ZC3H3: variants seen among roughly 807,000 people sequenced by gnomAD.
ZC3H3 encodes zinc finger CCCH-type containing 3.
In ZC3H3, 36 loss-of-function variants were observed where a neutral mutation model predicts 77.3. The observed-to-expected ratio is 0.47, with a 90% CI of 0.36 to 0.61. ZC3H3 has a LOEUF of 0.61. Among genes scored for constraint, ZC3H3 ranks in the 20% least tolerant of loss-of-function variants. The probability of loss-of-function intolerance (pLI) is 0.00; values close to 1 mark genes in which losing one functional copy is unlikely to be tolerated. For synonymous variants in ZC3H3, 626 were observed against 555.2 expected, an observed-to-expected ratio of 1.13 and a Z score of -1.79; for missense variants, 1,331 against 1,312.2, an observed-to-expected ratio of 1.01 and a Z score of -0.22.
chr8:143,505,088 G>A (rs1234563524), intron 4 of ZC3H3, among the ~76,000 whole-genome samples: 6 of 152,162 alleles, frequency 3.9e-5, no homozygotes, highest in South Asian at 2.1e-4. Context: ...CCCCTCCCGC[G>A]TGTCCACCAG....
chr8:143,513,159 G>T (rs1007382271), intron 3 of ZC3H3, among the ~76,000 whole-genome samples: 1 of 152,098 alleles, frequency 6.6e-6, no homozygotes, highest in Non-Finnish European at 1.5e-5. Flanking sequence ...TCACACCCAC[G>T]GCCTCAGCTG....
intron 4 of ZC3H3, among the ~76,000 whole-genome samples, chr8:143,499,976 C>T (rs1268434004): frequency 6.6e-6 from 1 of 152,160 alleles, no homozygotes; most frequent in Non-Finnish European, 1.5e-5. Flanking sequence ...AACCCCTGGC[C>T]CCCCACCAGA....
intron 2 of ZC3H3, among the ~76,000 whole-genome samples, 195 bp downstream of exon 2, chr8:143,537,808 C>CCTAA (rs1331544430): frequency 6.6e-6 from 1 of 152,106 alleles, no homozygotes; most frequent in Non-Finnish European, 1.5e-5. Flanking sequence ...AAACCTGTCC[C>CCTAA]CTAAGTTTAT....
At chr8:143,489,724 G>A (rs1275803200) in intron 4 of ZC3H3, among the ~76,000 whole-genome samples, 1 of 152,208 alleles carries the variant, frequency 6.6e-6, no homozygotes, top group Non-Finnish European at 1.5e-5. Flanking sequence ...TCTGGCGTCA[G>A]GCGGTGATTT....
chr8:143,513,937 C>CAG (rs1821951891), intron 3 of ZC3H3, among the ~76,000 whole-genome samples: 1 of 152,200 alleles, frequency 6.6e-6, no homozygotes, highest in African/African-American at 2.4e-5. Context: ...GGCCCCCGAC[C>CAG]AGTGTAGCTC....
rs779910501 is a variant in ZC3H3, at chr8:143,492,400, C to T, written c.1715+15346G>A. ...CAGGGCCCTGGCCCGCCTTATATCC[C>T]CCACCATCTGGACCCTCAGTCCAGG... On this transcript the variant is annotated intron_variant, in intron 4 of 11. Coordinates refer to ENST00000262577, the MANE Select transcript of ZC3H3 (RefSeq NM_015117.3). Among the ~76,000 whole-genome samples the T allele has an allele frequency of 1.7e-3, 254 of 152,288 alleles. 1 individual carries two copies. The highest frequency in any genetic ancestry group is 6.8e-3 in the Middle Eastern group (2 of 294).
chr8:143,527,481 C>A (rs1487488287), intron 3 of ZC3H3, among the ~76,000 whole-genome samples: 3 of 152,186 alleles, frequency 2.0e-5, no homozygotes, highest in African/African-American at 7.2e-5. Flanking sequence ...CCACGGCACA[C>A]ACGCGATCCC....
intron 1 of ZC3H3, among the ~76,000 whole-genome samples, chr8:143,540,213 A>T (rs1822964124): frequency 8.0e-6 from 1 of 125,568 alleles, no homozygotes; most frequent in African/African-American, 3.4e-5. Context: ...TTTAATTTTT[A>T]AAGCTTTTTT....
chr8:143,518,122 G>A (rs1822120745), intron 3 of ZC3H3, among the ~76,000 whole-genome samples: 1 of 152,222 alleles, frequency 6.6e-6, no homozygotes. Context: ...GGCTGGCGCT[G>A]TGGGCCAGCA....
chr8:143,502,592 C>T (rs1030855095), intron 4 of ZC3H3, among the ~76,000 whole-genome samples: 2 of 152,206 alleles, frequency 1.3e-5, no homozygotes, highest in Non-Finnish European at 2.9e-5. Context: ...GAAAAGCCTC[C>T]GATTCATCTG....
intron 4 of ZC3H3, among the ~76,000 whole-genome samples, chr8:143,492,592 C>T (rs888649346): frequency 1.3e-5 from 2 of 152,192 alleles, no homozygotes; most frequent in African/African-American, 2.4e-5. Context: ...CGGAGGGGCC[C>T]GGGGAGGGCC....
chr8:143,517,541 C>T (rs569009082), intron 3 of ZC3H3, among the ~76,000 whole-genome samples: 6 of 152,246 alleles, frequency 3.9e-5, no homozygotes, highest in South Asian at 4.2e-4. Flanking sequence ...TGTGGCCAAG[C>T]GTGCACCCAG....
At chr8:143,512,018 T>C (rs1309392722) in intron 3 of ZC3H3, among the ~76,000 whole-genome samples, 1 of 152,256 alleles carries the variant, frequency 6.6e-6, no homozygotes, top group African/African-American at 2.4e-5. Context: ...GAAGGGATGA[T>C]GTTGACTTGC....
intron 8 of ZC3H3, 94 bp from the exon 9 acceptor site, chr8:143,465,942 G>A (rs560665849): frequency 2.0e-5 from 30 of 1,478,966 alleles, no homozygotes; most frequent in African/African-American, 1.8e-4. Context: ...CCGCCCGAGA[G>A]AGAAATGGAC....
In ZC3H3 at chr8:143,440,160, G is replaced by A. The variant is rs777677101; in HGVS notation, c.2696C>T (p.Ala899Val). The change falls in exon 11 of 12, where the codon GCA (alanine) becomes GTA (valine). Residue 899 changes from alanine (A) to valine (V), a missense_variant. By Grantham distance (64) the Ala-to-Val change is moderately conservative. Around this residue, in one of 3 missense-constraint regions of ZC3H3, gnomAD observed 249 missense variants for 236.9 expected, o/e 1.05. Coordinates refer to ENST00000262577, the MANE Select transcript of ZC3H3 (RefSeq NM_015117.3). ...EAPSLQEAALAAACSNRLCKL... is the reference protein window; with the variant it reads ...EAPSLQEAALVAACSNRLCKL... ...GCAGAGCCTGTTGGAGCACGCTGCT[G>A]CTAAGGCAGCCTCCTGGAGAGATGG... 6 of 1,612,016 alleles carry A rather than the reference G, an allele frequency of 3.7e-6. No individual in the cohort carries two copies. The highest frequency in any genetic ancestry group is 5.1e-6 in the Non-Finnish European group (6 of 1,179,732).
Position 143,492,729 on chromosome 8 carries a change from C to T in ZC3H3, c.1715+15017G>A, listed in dbSNP as rs932918157. 4.0e-5 allele frequency among the ~76,000 whole-genome samples: 6 copies of T among 149,788 alleles called. No homozygotes were observed. In the South Asian group the frequency reaches 6.4e-4, roughly 16 times the overall value. ...AGGGTCCCGTGTCCTGGCCCAGGGG[C>T]TCCCTCCTCAGGCTCCCGTGTCCTG... On this transcript the variant is annotated intron_variant, in intron 4 of 11. Coordinates refer to ENST00000262577, the MANE Select transcript of ZC3H3 (RefSeq NM_015117.3).
chr8:143,481,639 T>C (rs1035674357), intron 4 of ZC3H3, among the ~76,000 whole-genome samples: 1 of 152,338 alleles, frequency 6.6e-6, no homozygotes, highest in South Asian at 2.1e-4. Context: ...GGAGGGAAAC[T>C]GAAGGCAGAC....
At chr8:143,511,547 T>C (rs955752945) in intron 3 of ZC3H3, among the ~76,000 whole-genome samples, 1 of 152,206 alleles carries the variant, frequency 6.6e-6, no homozygotes, top group African/African-American at 2.4e-5. Context: ...CACTTCACTG[T>C]CCAGCCCACC....
At chr8:143,473,517 C>T (rs1355914274) in intron 5 of ZC3H3, among the ~76,000 whole-genome samples, 1 of 152,162 alleles carries the variant, frequency 6.6e-6, no homozygotes, top group East Asian at 1.9e-4. Context: ...GGTGAGGGCT[C>T]GGGGTGCCCT....
Sources: allele counts gnomAD v4.1 joint callset (sites outside exome capture counted in the v4.1 genomes callset), GRCh38; gene constraint gnomAD v4.1.1; regional missense constraint gnomAD v4.1.1; transcripts MANE v1.5; gene names NCBI Gene and HGNC (gene_info 2026-07-23, HGNC 2026-07-21).